ANK2: variants seen among roughly 807,000 people sequenced by gnomAD.
The protein encoded by ANK2 is ankyrin-2.
ANK2 carries 83 observed loss-of-function variants against 360.5 expected under a neutral mutation model. The observed-to-expected ratio is 0.23, with a 90% confidence interval of 0.19 to 0.28. The LOEUF (loss-of-function observed/expected upper bound fraction) is 0.28. Ranked by LOEUF, ANK2 falls within the 10% of genes least tolerant of loss-of-function variation. ANK2 has a pLI of 1.00. For missense variants in ANK2, 4,201 were observed against 4,795.7 expected, an observed-to-expected ratio of 0.88 and a Z score of 3.66; for synonymous variants, 1,740 against 1,759.5, an observed-to-expected ratio of 0.99 and a Z score of 0.28.
In ANK2 at chr4:113,359,274, T is replaced by C; in HGVS notation, c.10656T>C (p.Asp3552=). ...AGACTCTGATTGAACGCATCCCTGA[T>C]GAAAATGGCCATGACCATGCTGAAG... The part of the protein sequence containing the change: ...SIETLIERIP[D]ENGHDHAEDP... Residue 3552 remains aspartate, a synonymous_variant, in exon 38 of 46, where the codon GAT becomes GAC. Coordinates refer to ENST00000357077, the MANE Select transcript of ANK2 (RefSeq NM_001148.6). 3.7e-6 allele frequency: 6 copies of C among 1,613,932 alleles called. No homozygotes were observed. The highest frequency in any genetic ancestry group is 5.1e-6 in the Non-Finnish European group (6 of 1,179,864).
In ANK2 at chr4:113,335,920, G is replaced by T. The variant is rs2153958172; in HGVS notation, c.3454G>T (p.Ala1152Ser). 1.2e-6 allele frequency: 2 copies of T among 1,614,156 alleles called. No homozygotes were observed. Among genetic ancestry groups the T allele is most frequent in the Non-Finnish European group, 1.7e-6 (2 of 1,180,024 alleles). Residue 1152 changes from alanine to serine, a missense_variant, in exon 30 of 46, where the codon GCA becomes TCA. Ala to Ser is a moderately conservative substitution (Grantham distance 99). Around this residue, in one of 4 missense-constraint regions of ANK2, gnomAD observed 1,268 missense variants for 1,650.8 expected, o/e 0.77. Coordinates refer to ENST00000357077, the MANE Select transcript of ANK2 (RefSeq NM_001148.6). ...CACCCGAGACTTCCCACAGTACTTT[G>T]CAGTGGTGTCTCGTATCAAACAGGA... ...IITRDFPQYF[A>S]VVSRIKQDSN...
At chr4:113,067,186 A>T (rs1432908993) in intron 1 of ANK2, among the ~76,000 whole-genome samples, 1 of 152,020 alleles carries the variant, frequency 6.6e-6, no homozygotes, top group East Asian at 1.9e-4. Flanking sequence ...AAATCTGGAG[A>T]CAGATTTTAC....
At chr4:112,790,952 G>T in the ANK2 span, among the ~76,000 whole-genome samples, 1 of 152,160 alleles carries the variant, frequency 6.6e-6, no homozygotes, top group African/African-American at 2.4e-5. Flanking sequence ...TTTAAAGAGG[G>T]TTTTGATAAA....
chr4:112,788,406 C>T, the ANK2 span: 340 of 1,591,870 alleles, frequency 2.1e-4, no homozygotes, highest in Non-Finnish European at 2.7e-4. Flanking sequence ...GGATCCACGT[C>T]GGGTGCAATC....
chr4:113,015,758 A>G (rs2056441538), intron 2 of ANK2, among the ~76,000 whole-genome samples: 1 of 152,190 alleles, frequency 6.6e-6, no homozygotes, highest in African/African-American at 2.4e-5. Flanking sequence ...ATTTTGTCTT[A>G]TCATGTTTTC....
intron 4 of ANK2, among the ~76,000 whole-genome samples, chr4:113,225,098 A>G (rs1396597311): frequency 6.6e-6 from 1 of 152,138 alleles, no homozygotes; most frequent in Non-Finnish European, 1.5e-5. Flanking sequence ...ACAATGGAGC[A>G]AGAAGAGAAA....
intron 1 of ANK2, among the ~76,000 whole-genome samples, chr4:112,867,993 A>G (rs2071357713): frequency 1.3e-5 from 2 of 152,302 alleles, no homozygotes; most frequent in South Asian, 4.1e-4. Flanking sequence ...TTTTCCAAAG[A>G]GGCTATACCA....
chr4:113,122,469 G>A (rs2095424297), intron 1 of ANK2, among the ~76,000 whole-genome samples: 1 of 152,042 alleles, frequency 6.6e-6, no homozygotes, highest in Admixed American at 6.6e-5. Context: ...TACAAACATG[G>A]GAAATCTGAG....
At chr4:112,849,523 T>C (rs552083235) in intron 1 of ANK2, among the ~76,000 whole-genome samples, 4 of 152,344 alleles carry the variant, frequency 2.6e-5, no homozygotes, top group Admixed American at 2.6e-4. Context: ...CATTTCTCCT[T>C]CTTCTTTGTT....
chr4:112,766,229 G>T, the ANK2 span, among the ~76,000 whole-genome samples: 1 of 151,988 alleles, frequency 6.6e-6, no homozygotes, highest in African/African-American at 2.4e-5. Context: ...CTACTTGGGA[G>T]GCTGAGGCTT....
chr4:113,049,528 A>C, upstream of ANK2: 1 of 1,045,312 alleles, frequency 9.6e-7, no homozygotes. Flanking sequence ...AATTGGTTGA[A>C]TCAGATTTAA....
At chr4:112,780,255 T>C in the ANK2 span, among the ~76,000 whole-genome samples, 1 of 151,868 alleles carries the variant, frequency 6.6e-6, no homozygotes, top group Non-Finnish European at 1.5e-5. Context: ...TCAGCAAGGC[T>C]GACAGGAAAT....
chr4:113,046,373 CT>C (rs1477380018), upstream of ANK2, among the ~76,000 whole-genome samples: 6 of 152,068 alleles, frequency 3.9e-5, no homozygotes, highest in African/African-American at 1.4e-4. Context: ...CAGAATGACA[CT>C]GCTATGGCTT....
the ANK2 span, among the ~76,000 whole-genome samples, chr4:112,708,664 C>G: frequency 6.6e-6 from 1 of 152,044 alleles, no homozygotes. Flanking sequence ...GTATTTGAAG[C>G]ATCAAACTAT....
intron 1 of ANK2, among the ~76,000 whole-genome samples, chr4:112,865,693 A>G (rs1454428903): frequency 6.6e-6 from 1 of 152,236 alleles, no homozygotes; most frequent in East Asian, 1.9e-4. Context: ...ACTGTATCTA[A>G]TCTAATTATA....
At chr4:113,001,894 G>A (rs2050829057) in intron 2 of ANK2, among the ~76,000 whole-genome samples, 1 of 152,068 alleles carries the variant, frequency 6.6e-6, no homozygotes, top group South Asian at 2.1e-4. Flanking sequence ...CTCCAGTCCT[G>A]ACTAGGCACA....
intron 14 of ANK2, 91 bp from the exon 15 acceptor site, chr4:113,274,361 C>G: frequency 7.1e-7 from 1 of 1,408,418 alleles, no homozygotes; most frequent in South Asian, 1.2e-5. Flanking sequence ...CTAGAGATTC[C>G]AAGAAGACAT....
intron 26 of ANK2, among the ~76,000 whole-genome samples, chr4:113,328,285 A>C (rs1390373179): frequency 6.6e-6 from 1 of 152,206 alleles, no homozygotes; most frequent in Non-Finnish European, 1.5e-5. Flanking sequence ...GGAAATATTA[A>C]TCTTAATTAT....
chr4:113,016,548 T>C (rs1296671348), intron 2 of ANK2, among the ~76,000 whole-genome samples: 1 of 152,182 alleles, frequency 6.6e-6, no homozygotes, highest in African/African-American at 2.4e-5. Context: ...ACTGCAACCG[T>C]AGCCTTGCAT....
Sources: allele counts gnomAD v4.1 joint callset (sites outside exome capture counted in the v4.1 genomes callset), GRCh38; gene constraint gnomAD v4.1.1; regional missense constraint gnomAD v4.1.1; transcripts MANE v1.5; gene names NCBI Gene and HGNC (gene_info 2026-07-23, HGNC 2026-07-21).